NCKAP5: variants seen among roughly 807,000 people sequenced by gnomAD.
NCKAP5 encodes NCK associated protein 5, also known as nck-associated protein 5.
A neutral mutation model predicts 167.0 loss-of-function variants in NCKAP5; 92 were observed. That is an observed-to-expected ratio of 0.55 (90% CI 0.47 to 0.66). The LOEUF (loss-of-function observed/expected upper bound fraction) is 0.66. Among genes scored for constraint, NCKAP5 ranks in the 30% least tolerant of loss-of-function variants. The pLI, the probability that NCKAP5 is intolerant of heterozygous loss-of-function variation, is 0.00. For synonymous variants in NCKAP5, 891 were observed against 877.4 expected (o/e 1.02, Z -0.27); for missense variants, 2,378 against 2,315.0 (o/e 1.03, Z -0.56).
chr2:133,172,042 A>G (rs998794619), intron 5 of NCKAP5, among the ~76,000 whole-genome samples: 1 of 152,328 alleles, frequency 6.6e-6, no homozygotes, highest in Non-Finnish European at 1.5e-5. Context: ...AGTAAGTCCT[A>G]TGGAGACTCT....
chr2:133,088,788 AG>A (rs1382233045), intron 6 of NCKAP5, among the ~76,000 whole-genome samples: 1 of 152,228 alleles, frequency 6.6e-6, no homozygotes, highest in Non-Finnish European at 1.5e-5. Context: ...ATATGTACAG[AG>A]AAATGCTATT....
intron 6 of NCKAP5, among the ~76,000 whole-genome samples, chr2:133,089,332 AT>A (rs1270335776): frequency 6.6e-6 from 1 of 152,248 alleles, no homozygotes; most frequent in African/African-American, 2.4e-5. Flanking sequence ...ACAAGCTTTA[AT>A]AAGTTTCAAT....
chr2:133,085,098 G>A (rs532230295), intron 6 of NCKAP5, among the ~76,000 whole-genome samples: 2 of 152,252 alleles, frequency 1.3e-5, no homozygotes, highest in South Asian at 2.1e-4. Context: ...TGGGGAGATG[G>A]GAAGGGTAGT....
At chr2:132,817,929 G>T (rs997040165) in intron 11 of NCKAP5, among the ~76,000 whole-genome samples, 1 of 152,150 alleles carries the variant, frequency 6.6e-6, no homozygotes, top group Non-Finnish European at 1.5e-5. Flanking sequence ...TTTTCTAAAG[G>T]TTAATGTTAA....
At chr2:133,611,052 TGA>T in the NCKAP5 span, among the ~76,000 whole-genome samples, 1 of 152,138 alleles carries the variant, frequency 6.6e-6, no homozygotes, top group Non-Finnish European at 1.5e-5. Flanking sequence ...CTTAGAAACA[TGA>T]GAGTGACCTC....
chr2:133,672,293 C>T, the NCKAP5 span, among the ~76,000 whole-genome samples: 1 of 152,150 alleles, frequency 6.6e-6, no homozygotes, highest in Non-Finnish European at 1.5e-5. Context: ...AAATGGCACA[C>T]GATGAGGCTA....
intron 12 of NCKAP5, among the ~76,000 whole-genome samples, chr2:132,795,949 G>A (rs887625888): frequency 6.8e-6 from 1 of 147,954 alleles, no homozygotes; most frequent in African/African-American, 2.5e-5. Context: ...ATTATAGATT[G>A]GATGCCATTA....
intron 5 of NCKAP5, among the ~76,000 whole-genome samples, chr2:133,190,915 A>G (rs2085188855): frequency 6.6e-6 from 1 of 152,158 alleles, no homozygotes; most frequent in Non-Finnish European, 1.5e-5. Context: ...GCCAAAATTG[A>G]CAAATGGGAT....
intron 3 of NCKAP5, among the ~76,000 whole-genome samples, chr2:133,403,815 T>C (rs902934543): frequency 2.0e-5 from 3 of 152,178 alleles, no homozygotes; most frequent in Non-Finnish European, 2.9e-5. Context: ...AGTCTATCCT[T>C]ATGCCATGAA....
At chr2:133,212,992 A>T (rs2086273769) in intron 5 of NCKAP5, among the ~76,000 whole-genome samples, 1 of 152,306 alleles carries the variant, frequency 6.6e-6, no homozygotes, top group South Asian at 2.1e-4. Context: ...GCTTGCACAC[A>T]TTCCATTGTT....
intron 18 of NCKAP5, 75 bp downstream of exon 18, chr2:132,728,741 A>G: frequency 6.5e-7 from 1 of 1,549,518 alleles, no homozygotes; most frequent in Non-Finnish European, 8.7e-7. Context: ...CTATCATAAA[A>G]GTGTTTTTAG....
At chr2:133,462,729 G>A (rs907183599) in intron 3 of NCKAP5, among the ~76,000 whole-genome samples, 4 of 152,280 alleles carry the variant, frequency 2.6e-5, no homozygotes, top group Admixed American at 2.6e-4. Context: ...TTATGATGAT[G>A]ACAGAATAAG....
At chr2:132,786,530 C>T (rs2105078927) in intron 13 of NCKAP5, among the ~76,000 whole-genome samples, 1 of 152,314 alleles carries the variant, frequency 6.6e-6, no homozygotes, top group East Asian at 1.9e-4. Flanking sequence ...AGGTCAATTT[C>T]CTGCCCATCA....
At chr2:133,088,848 A>C (rs1340750993) in intron 6 of NCKAP5, among the ~76,000 whole-genome samples, 1 of 152,214 alleles carries the variant, frequency 6.6e-6, no homozygotes, top group Non-Finnish European at 1.5e-5. Flanking sequence ...CCTATAATGA[A>C]TAATTTTGTA....
chr2:133,002,907 C>A (rs897244005), intron 6 of NCKAP5, among the ~76,000 whole-genome samples: 2 of 152,130 alleles, frequency 1.3e-5, no homozygotes, highest in African/African-American at 4.8e-5. Context: ...TGTATGCATG[C>A]GACTAGTCAG....
chr2:133,251,087 ACC>A (rs764879135), intron 4 of NCKAP5, among the ~76,000 whole-genome samples: 1 of 151,838 alleles, frequency 6.6e-6, no homozygotes, highest in African/African-American at 2.4e-5. Context: ...AAAAAAAAAA[ACC>A]CAGCATAACA....
In NCKAP5 at chr2:132,672,920, C is replaced by T. The variant is rs1208687407; in HGVS notation, c.*369G>A. The T allele has an allele frequency of 6.2e-6, 6 of 968,138 alleles. No homozygotes were observed. The Admixed American group carries it at 1.8e-4, about 30-fold the overall frequency. 60.0% of individuals were successfully genotyped at this position (968,138 alleles called of 1,614,324 possible). ...GAATTTGACAAGGAAGGCTCTGGTA[C>T]TGCAATAGTTTATTGTTATCTCTAT... On this transcript the variant is annotated 3_prime_UTR_variant, in exon 20 of 20. Transcript: ENST00000409261.
At chr2:133,231,840 A>C (rs2087163807) in intron 4 of NCKAP5, among the ~76,000 whole-genome samples, 1 of 152,302 alleles carries the variant, frequency 6.6e-6, no homozygotes, top group Admixed American at 6.5e-5. Context: ...TTACAAGAAA[A>C]CAAATGGAAC....
chr2:133,417,832 G>T (rs1384814241), intron 3 of NCKAP5, among the ~76,000 whole-genome samples: 1 of 152,224 alleles, frequency 6.6e-6, no homozygotes, highest in Non-Finnish European at 1.5e-5. Context: ...AATGTGACCA[G>T]CTGTCCGACA....
Sources: allele counts gnomAD v4.1 joint callset (sites outside exome capture counted in the v4.1 genomes callset), GRCh38; gene constraint gnomAD v4.1.1; transcripts MANE v1.5; gene names NCBI Gene and HGNC (gene_info 2026-07-23, HGNC 2026-07-21).